The following RNF207 variants were observed in gnomAD, a reference collection of about 807,000 sequenced individuals.
RNF207 encodes ring finger protein 207.
A neutral mutation model predicts 79.0 loss-of-function variants in RNF207; 72 were observed. That is an observed-to-expected ratio of 0.91 (90% CI 0.75 to 1.11). The LOEUF is 1.11. RNF207 is among the 50% of genes least tolerant of loss of function. The pLI, the probability that RNF207 is intolerant of heterozygous loss-of-function variation, is 0.00. For synonymous variants in RNF207, 348 were observed against 366.2 expected, an observed-to-expected ratio of 0.95 and a Z score of 0.57; for missense variants, 936 against 855.8, an observed-to-expected ratio of 1.09 and a Z score of -1.17.
Position 6,207,465 on chromosome 1 carries a change from T to C in RNF207, c.278T>C (p.Val93Ala). ...QFLVDSSGDG[V>A]EAVRCANCDL... Reference sequence around the variant, plus strand: ...CTGGTGGACAGCTCAGGGGATGGCGTGGAGGCGGTGCGCTGTGCCAACTGT... The same window carrying C: ...CTGGTGGACAGCTCAGGGGATGGCGCGGAGGCGGTGCGCTGTGCCAACTGT... The change falls in exon 3 of 18, where the codon GTG becomes GCG. Residue 93 changes from valine to alanine, a missense_variant. Coordinates refer to ENST00000377939, the MANE Select transcript of RNF207 (RefSeq NM_207396.3). The surrounding 1 kb of genome is among the most constrained non-coding windows in gnomAD (Gnocchi z 4.5). 1.3e-6 allele frequency: 2 copies of C among 1,589,298 alleles called. No homozygotes were observed. Among genetic ancestry groups the C allele is most frequent in the Non-Finnish European group, 8.6e-7 (1 of 1,166,760 alleles).
chr1:6,218,108 C>G (rs972885771), intron 16 of RNF207, among the ~76,000 whole-genome samples, 181 bp from the exon 17 acceptor site: 2 of 152,264 alleles, frequency 1.3e-5, no homozygotes, highest in Admixed American at 6.5e-5. Context: ...CTCTCCTGCA[C>G]GCCATGCAGG....
chr1:6,210,247 CT>C lies in RNF207; in HGVS notation c.827del (p.Phe276SerfsTer41). 6.2e-7 allele frequency: 1 copy of C among 1,613,832 alleles called. No homozygotes were observed. Among genetic ancestry groups the C allele is most frequent in the Non-Finnish European group, 8.5e-7 (1 of 1,179,882 alleles). ...QSQYEEKDKAFKEQLSHLATL... is the reference protein window; with the variant it reads ...QSQYEEKDKAXKEQLSHLATL... ...GCCAATACGAAGAGAAGGACAAGGC[CT>C]TCAAGGAGCAGCTCTCTCACTTGGC... On this transcript the variant is annotated frameshift_variant, in exon 9 of 18. Coordinates refer to ENST00000377939, the MANE Select transcript of RNF207 (RefSeq NM_207396.3). LOFTEE classifies it high-confidence loss of function.
At chr1:6,218,698 G>A (rs1272963091) in intron 17 of RNF207, among the ~76,000 whole-genome samples, 3 of 152,200 alleles carry the variant, frequency 2.0e-5, no homozygotes, top group South Asian at 4.1e-4. Flanking sequence ...GAAAGTGACC[G>A]AGGACTGTTC....
Position 6,211,938 on chromosome 1 carries a change from G to T in RNF207, c.1181G>T (p.Gly394Val), listed in dbSNP as rs1668183702. Reference sequence around the variant, plus strand: ...CCCTCCCCAGTAGGAAAGATGTCGGGGTCACCCGTCCAAAAGCCCACGCTG... The same window carrying T: ...CCCTCCCCAGTAGGAAAGATGTCGGTGTCACCCGTCCAAAAGCCCACGCTG... ...HCPSPVGKMS[G>V]SPVQKPTLHR... The change falls in exon 13 of 18, where the codon GGG becomes GTG. Residue 394 changes from glycine (G) to valine (V), a missense_variant. Physicochemically the swap from Gly to Val is moderately radical, Grantham distance 109. Transcript: ENST00000377939. The surrounding 1 kb of genome is among the most constrained non-coding windows in gnomAD (Gnocchi z 4.2). 1 of 1,555,402 alleles carries T rather than the reference G, an allele frequency of 6.4e-7. No homozygotes were observed. Among genetic ancestry groups the T allele is most frequent in the Non-Finnish European group, 8.7e-7 (1 of 1,149,752 alleles).
rs1427646652 is a variant in RNF207, at chr1:6,220,686, G to C, written c.*1279G>C. On this transcript the variant is annotated 3_prime_UTR_variant, in exon 18 of 18. Transcript: ENST00000377939. ...CTCCTGAGTCCGACTTCCGTTGATA[G>C]CAAGGCACTGGGTGGCAGCAACCTT... 1 of 152,208 alleles carries C rather than the reference G, an allele frequency of 6.6e-6. No homozygotes were observed. Among genetic ancestry groups the C allele is most frequent in the Non-Finnish European group, 1.5e-5 (1 of 68,038 alleles). The allele number at this position is 152,208 out of a possible 1,614,324, so 9.4% of individuals were successfully genotyped here. A position where few individuals can be genotyped will look rare whatever the true frequency, so the allele number is the denominator to read the frequency against.
Position 6,219,461 on chromosome 1 carries a change from C to A in RNF207, c.*54C>A. ...TCTTAGAGCAGGCACAAGACTGGGA[C>A]ACTGGACAGAAGGTTGTTCCCATGA... is the stretch of plus-strand genomic sequence containing the variant. On this transcript the variant is annotated 3_prime_UTR_variant, in exon 18 of 18. Transcript: ENST00000377939. 1 of 1,302,240 alleles carries A rather than the reference C, an allele frequency of 7.7e-7. No homozygotes were observed. The highest frequency in any genetic ancestry group is 1.1e-6 in the Non-Finnish European group (1 of 938,360). 80.7% of individuals were successfully genotyped at this position (1,302,240 alleles called of 1,614,324 possible). A position where few individuals can be genotyped will look rare whatever the true frequency, so the allele number is the denominator to read the frequency against.
intron 17 of RNF207, among the ~76,000 whole-genome samples, chr1:6,218,835 G>A (rs1001744434): frequency 6.6e-6 from 1 of 152,170 alleles, no homozygotes; most frequent in African/African-American, 2.4e-5. Context: ...CAGGGCAGAG[G>A]ACAGCACTGT....
chr1:6,206,775 C>T, intron 2 of RNF207, 49 bp downstream of exon 2: 1 of 1,530,436 alleles, frequency 6.5e-7, no homozygotes, highest in Non-Finnish European at 8.8e-7. Context: ...ATCCCCCGGG[C>T]CCAAGGTTGG....
In RNF207 at chr1:6,212,054, G is replaced by T; in HGVS notation, c.1296+1G>T. On this transcript the variant is annotated splice_donor_variant, in intron 13 of 17. Coordinates refer to ENST00000377939, the MANE Select transcript of RNF207 (RefSeq NM_207396.3). LOFTEE classifies it high-confidence loss of function. ...CCGCCACTATGAGGACTCCTACCGG[G>T]TGAGGGGGCAGGGATCTGCCGGAGG... is the stretch of plus-strand genomic sequence containing the variant. 1 of 1,594,746 alleles carries T rather than the reference G, an allele frequency of 6.3e-7. No homozygotes were observed. Among genetic ancestry groups the T allele is most frequent in the Non-Finnish European group, 8.5e-7 (1 of 1,170,152 alleles).
intron 16 of RNF207, among the ~76,000 whole-genome samples, chr1:6,215,221 T>A: frequency 6.6e-6 from 1 of 151,942 alleles, no homozygotes; most frequent in East Asian, 1.9e-4. Flanking sequence ...AGAGACAGGG[T>A]TTCTCCATGT....
rs747456048 is a variant in RNF207 at position 6,209,452 on chromosome 1, C to T, written c.666C>T (p.Ile222=). ...KALQTATREA[I]ALLQAMVEEV... is the part of the protein sequence containing the mutation. ...TGCAGACGGCCACGCGGGAGGCCAT[C>T]GCGCTGCTGCAGGCCATGGTGGAGG... is the stretch of plus-strand genomic sequence containing the variant. The change falls in exon 7 of 18, where the codon ATC becomes ATT. Residue 222 remains isoleucine (I), a synonymous_variant. Coordinates refer to ENST00000377939, the MANE Select transcript of RNF207 (RefSeq NM_207396.3). The T allele has an allele frequency of 2.0e-6, 3 of 1,515,358 alleles. No homozygotes were observed. Among genetic ancestry groups the T allele is most frequent in the Non-Finnish European group, 1.8e-6 (2 of 1,136,790 alleles). The allele number at this position is 1,515,358 out of a possible 1,614,324, so 93.9% of individuals were successfully genotyped here.
At position 6,208,928 on chromosome 1, in the gene RNF207, C is replaced by A; in HGVS notation, c.372C>A (p.Cys124Ter). Residue 124 changes from cysteine (C) to a stop codon, truncating the protein, a stop_gained, in exon 4 of 18, where the codon TGC becomes TGA. Coordinates refer to ENST00000377939, the MANE Select transcript of RNF207 (RefSeq NM_207396.3). LOFTEE classifies it high-confidence loss of function. ...YFCNTCGQPL[C>*]ARCRDETHRA... Reference sequence around the variant, plus strand: ...GCAACACGTGCGGACAGCCCCTATGCGCGCGCTGCCGCGACGAGACGCACC... The same window carrying A: ...GCAACACGTGCGGACAGCCCCTATGAGCGCGCTGCCGCGACGAGACGCACC... 1 of 1,534,538 alleles carries A rather than the reference C, an allele frequency of 6.5e-7. No individual in the cohort carries two copies. The highest frequency in any genetic ancestry group is 8.7e-7 in the Non-Finnish European group (1 of 1,145,452).
rs1268886267 is a variant in RNF207 at position 6,207,070 on chromosome 1, T to TTA, written c.192-307_192-306dup. Among the ~76,000 whole-genome samples the TTA allele has an allele frequency of 5.3e-5, 8 of 152,182 alleles. No homozygotes were observed. The highest frequency in any genetic ancestry group is 1.2e-4 in the Non-Finnish European group (8 of 68,034). Reference sequence around the variant, plus strand: ...TAGGTCCACAAAACCACAGTTTCAGTTATGTGGGCTCAAGGAACCCAGGAG... The same window carrying TTA: ...TAGGTCCACAAAACCACAGTTTCAGTTATATGTGGGCTCAAGGAACCCAGGAG... On this transcript the variant is annotated intron_variant, in intron 2 of 17. Transcript: ENST00000377939. The surrounding 1 kb of genome is among the most constrained non-coding windows in gnomAD (Gnocchi z 4.5).
In RNF207 at chr1:6,207,456, G is replaced by C; in HGVS notation, c.269G>C (p.Gly90Ala). ...CTGCAGTTCCTGGTGGACAGCTCAG[G>C]GGATGGCGTGGAGGCGGTGCGCTGT... is the stretch of plus-strand genomic sequence containing the variant. ...RLLQFLVDSS[G>A]DGVEAVRCAN... The change falls in exon 3 of 18, where the codon GGG (glycine) becomes GCG (alanine). Residue 90 changes from glycine to alanine, a missense_variant. Transcript: ENST00000377939. The surrounding 1 kb of genome is among the most constrained non-coding windows in gnomAD (Gnocchi z 4.5). 1 of 1,583,806 alleles carries C rather than the reference G, an allele frequency of 6.3e-7. No homozygotes were observed.
chr1:6,210,110 G>A (rs768483361), intron 8 of RNF207, 113 bp from the exon 9 acceptor site: 15 of 1,306,798 alleles, frequency 1.1e-5, no homozygotes, highest in Non-Finnish European at 1.6e-5. Flanking sequence ...GCATGGCTCA[G>A]GGTGCAGAGA....
In RNF207 at chr1:6,207,631, C is replaced by T. The variant is rs1396270682; in HGVS notation, c.324+120C>T. The T allele has an allele frequency of 1.0e-5, 12 of 1,156,064 alleles. No homozygotes were observed. Among genetic ancestry groups the T allele is most frequent in the African/African-American group, 3.1e-5 (2 of 65,564 alleles). 71.6% of individuals were successfully genotyped at this position (1,156,064 alleles called of 1,614,324 possible). A position where few individuals can be genotyped will look rare whatever the true frequency, so the allele number is the denominator to read the frequency against. On this transcript the variant is annotated intron_variant, in intron 3 of 17. Transcript: ENST00000377939. This position sits in a 1 kb window ranked among gnomAD's most constrained non-coding sequence, Gnocchi z 4.5. ...GACCTGGCAGTGGATTCTCCAGCAC[C>T]TCCCTAGGGCACCTTGGCCCCAAAT...
In RNF207 at chr1:6,207,410, C is replaced by A; in HGVS notation, c.223C>A (p.Leu75Ile). Residue 75 changes from leucine (L) to isoleucine (I), a missense_variant, in exon 3 of 18, where the codon CTC becomes ATC. Physicochemically the swap from Leu to Ile is conservative, Grantham distance 5. Coordinates refer to ENST00000377939, the MANE Select transcript of RNF207 (RefSeq NM_207396.3). This position sits in a 1 kb window ranked among gnomAD's most constrained non-coding sequence, Gnocchi z 4.5. The stretch of plus-strand genomic sequence containing the variant: ...GACGGTGCTGAAGGGTCCCAGCGGG[C>A]TCCCGCCGGTGGACCGGCTGCTGCA... Reference protein sequence around the residue: ...HQTVLKGPSGLPPVDRLLQFL... With the variant: ...HQTVLKGPSGIPPVDRLLQFL... The A allele has an allele frequency of 6.5e-7, 1 of 1,547,232 alleles. No individual in the cohort carries two copies. The highest frequency in any genetic ancestry group is 8.7e-7 in the Non-Finnish European group (1 of 1,145,074).
rs915346615 is a variant in RNF207 at position 6,210,217 on chromosome 1, C to T, written c.801-6C>T. The stretch of plus-strand genomic sequence containing the variant: ...CCCTGGAAACCAGGCAGCCCCCCTC[C>T]CCCAGCCAATACGAAGAGAAGGACA... On this transcript the variant is annotated splice_region_variant and splice_polypyrimidine_tract_variant and intron_variant, in intron 8 of 17. Coordinates refer to ENST00000377939, the MANE Select transcript of RNF207 (RefSeq NM_207396.3). The T allele has an allele frequency of 2.8e-5, 45 of 1,612,756 alleles. No homozygotes were observed. The highest frequency in any genetic ancestry group is 3.6e-5 in the Non-Finnish European group (43 of 1,179,336).
In RNF207 at chr1:6,206,704, C is replaced by T; in HGVS notation, c.169C>T (p.Arg57Cys). The change falls in exon 2 of 18, where the codon CGC (arginine) becomes TGC (cysteine). Residue 57 changes from arginine (R) to cysteine (C), a missense_variant. Coordinates refer to ENST00000377939, the MANE Select transcript of RNF207 (RefSeq NM_207396.3). ...CCTGCGTGGCCGCGCGACCGACGGC[C>T]GCCTCACCTGCCCGCTGTGCCAGTA... ...GCLRGRATDG[R>C]LTCPLCQHQT... 1 of 1,602,078 alleles carries T rather than the reference C, an allele frequency of 6.2e-7. No individual in the cohort carries two copies. The highest frequency in any genetic ancestry group is 8.5e-7 in the Non-Finnish European group (1 of 1,179,470).
Sources: gnomAD v4.1 joint callset for allele counts (sites outside exome capture counted in the v4.1 genomes callset) on GRCh38, gnomAD v4.1.1 for gene constraint, Gnocchi (gnomAD v3.1) non-coding constraint, MANE v1.5 for transcripts, NCBI Gene and HGNC (gene_info 2026-07-23, HGNC 2026-07-21) for gene names.